The following METAP2 variants were observed in gnomAD, a reference collection of about 807,000 sequenced individuals.
The protein encoded by METAP2 is methionyl aminopeptidase 2.
In METAP2, 25 loss-of-function variants were observed where a neutral mutation model predicts 59.4. That is an observed-to-expected ratio of 0.42 (90% CI 0.31 to 0.59). The LOEUF (loss-of-function observed/expected upper bound fraction) is 0.59, where lower values mean the gene tolerates loss of function less well. METAP2 is among the 20% of genes least tolerant of loss of function. The pLI, the probability that METAP2 is intolerant of heterozygous loss-of-function variation, is 0.16. For synonymous variants in METAP2, 214 were observed against 194.1 expected, an observed-to-expected ratio of 1.10 and a Z score of -0.85; for missense variants, 366 against 581.2, an observed-to-expected ratio of 0.63 and a Z score of 3.81.
In METAP2 at chr12:95,494,076, C is replaced by T. The variant is rs142508741; in HGVS notation, c.449C>T (p.Thr150Ile). ...TQDGRTAAWR[T>I]TSEEKKALDQ... ...TAAAGGCGAACAGCTGCTTGGAGAA[C>T]TACAAGTGAAGAAAAGAAAGCATTA... Residue 150 changes from threonine (T) to isoleucine (I), a missense_variant, in exon 5 of 11, where the codon ACT (threonine) becomes ATT (isoleucine). Thr to Ile is a moderately conservative substitution (Grantham distance 89). Coordinates refer to ENST00000323666, the MANE Select transcript of METAP2 (RefSeq NM_006838.4). 1.4e-4 allele frequency: 222 copies of T among 1,613,702 alleles called. No homozygotes were observed. Among genetic ancestry groups the T allele is most frequent in the Admixed American group, 5.2e-4 (31 of 59,984 alleles).
intron 2 of METAP2, among the ~76,000 whole-genome samples, chr12:95,479,078 TAAC>T (rs1406910397): frequency 6.6e-6 from 1 of 152,056 alleles, no homozygotes; most frequent in Non-Finnish European, 1.5e-5. Context: ...CCCTGTCTCT[TAAC>T]AAAAAAGGAA....
At chr12:95,475,931 G>A (rs1425711479) in intron 1 of METAP2, 140 bp from the exon 2 acceptor site, 1 of 556,788 alleles carries the variant, frequency 1.8e-6, no homozygotes, top group Non-Finnish European at 3.2e-6. Flanking sequence ...GTCATTAAAC[G>A]AATTCTGTTA....
intron 4 of METAP2, 26 bp downstream of exon 4, chr12:95,486,007 T>A: frequency 6.9e-7 from 1 of 1,451,692 alleles, no homozygotes; most frequent in Non-Finnish European, 9.5e-7. Flanking sequence ...TCACTTCCAG[T>A]TTAATTTCTG....
At chr12:95,482,363 T>G (rs370808740) in intron 2 of METAP2, among the ~76,000 whole-genome samples, 2 of 152,190 alleles carry the variant, frequency 1.3e-5, no homozygotes, top group African/African-American at 4.8e-5. Context: ...TCCACCTGCC[T>G]CAGCCTCCCA....
At chr12:95,482,202 C>G (rs557660849) in intron 2 of METAP2, 24 of 451,658 alleles carry the variant, frequency 5.3e-5, no homozygotes, top group South Asian at 3.8e-4. Context: ...CTTGACTTCC[C>G]TGGCTCAGGT....
intron 8 of METAP2, among the ~76,000 whole-genome samples, chr12:95,505,653 G>C (rs1260853485): frequency 6.6e-6 from 1 of 152,050 alleles, no homozygotes; most frequent in East Asian, 1.9e-4. Flanking sequence ...TGCCACCATA[G>C]TTGGCTGCTT....
intron 8 of METAP2, among the ~76,000 whole-genome samples, 184 bp from the exon 9 acceptor site, chr12:95,511,711 A>G (rs752203160): frequency 2.9e-4 from 44 of 152,224 alleles, no homozygotes; most frequent in Middle Eastern, 6.8e-3. Flanking sequence ...TATTAATAAC[A>G]CTGCAACTAC....
In METAP2 at chr12:95,513,796, A is replaced by G. The variant is rs374528186; in HGVS notation, c.1329A>G (p.Pro443=). Residue 443 remains proline, a synonymous_variant, in exon 11 of 11, where the codon CCA becomes CCG. Coordinates refer to ENST00000323666, the MANE Select transcript of METAP2 (RefSeq NM_006838.4). ...KNLCDLGIVD[P]YPPLCDIKGS... ...TGTGTGACTTGGGCATTGTAGATCC[A>G]TATCCACCATTATGTGACATTAAAG... 2.5e-6 allele frequency: 4 copies of G among 1,614,126 alleles called. No individual in the cohort carries two copies. The highest frequency in any genetic ancestry group is 3.4e-6 in the Non-Finnish European group (4 of 1,180,044).
At chr12:95,500,373 C>T (rs566321102) in intron 7 of METAP2, among the ~76,000 whole-genome samples, 4 of 152,202 alleles carry the variant, frequency 2.6e-5, no homozygotes, top group South Asian at 2.1e-4. Flanking sequence ...ACTTCCATCC[C>T]AATTTAGATG....
intron 4 of METAP2, among the ~76,000 whole-genome samples, chr12:95,489,211 T>C (rs987555018): frequency 6.6e-6 from 1 of 152,198 alleles, no homozygotes; most frequent in African/African-American, 2.4e-5. Context: ...CTTTTAACAA[T>C]GTGAATGTTA....
intron 7 of METAP2, among the ~76,000 whole-genome samples, chr12:95,500,892 C>T (rs1354573330): frequency 6.6e-5 from 10 of 151,744 alleles, no homozygotes; most frequent in Non-Finnish European, 8.8e-5. Context: ...CATGTAATGA[C>T]TTAGAAAGTA....
intron 8 of METAP2, among the ~76,000 whole-genome samples, chr12:95,506,073 G>C (rs1465661063): frequency 6.6e-6 from 1 of 151,538 alleles, no homozygotes; most frequent in African/African-American, 2.4e-5. Context: ...CTCCAGCCTG[G>C]GCGACAGAGT....
At chr12:95,496,209 A>G (rs1400094065) in intron 7 of METAP2, 111 bp downstream of exon 7, 2 of 598,938 alleles carry the variant, frequency 3.3e-6, no homozygotes. Context: ...GGCTTTGGGT[A>G]ATTAAGAGGA....
chr12:95,480,407 A>G (rs984724073), intron 2 of METAP2, among the ~76,000 whole-genome samples: 4 of 152,172 alleles, frequency 2.6e-5, no homozygotes, highest in African/African-American at 9.7e-5. Flanking sequence ...GTTGCCTGTC[A>G]TATGGTAAGT....
chr12:95,505,958 G>T (rs977217493), intron 8 of METAP2, among the ~76,000 whole-genome samples: 5 of 151,738 alleles, frequency 3.3e-5, no homozygotes, highest in African/African-American at 9.7e-5. Flanking sequence ...ATAGCCAGGC[G>T]TGATGGCACA....
At chr12:95,508,380 A>T (rs1322995880) in intron 8 of METAP2, among the ~76,000 whole-genome samples, 3 of 152,204 alleles carry the variant, frequency 2.0e-5, no homozygotes, top group African/African-American at 7.2e-5. Flanking sequence ...CAGAAGCAAG[A>T]TTCTTAACCC....
In METAP2 at chr12:95,483,203, G is replaced by A. The variant is rs753872728; in HGVS notation, c.260-12G>A. ...GTTTAAATGAACATGTACTTGAAAT[G>A]TCTTTTCTTAGATGGAGATGGCGAT... On this transcript the variant is annotated splice_polypyrimidine_tract_variant and intron_variant, in intron 2 of 10. Transcript: ENST00000323666. The A allele has an allele frequency of 6.2e-7, 1 of 1,606,384 alleles. No individual in the cohort carries two copies. Among genetic ancestry groups the A allele is most frequent in the East Asian group, 2.2e-5 (1 of 44,830 alleles).
intron 6 of METAP2, among the ~76,000 whole-genome samples, 188 bp from the exon 7 acceptor site, chr12:95,495,816 A>G (rs545874730): frequency 1.8e-4 from 27 of 152,140 alleles, no homozygotes; most frequent in Admixed American, 4.6e-4. Context: ...TCTATTCTGA[A>G]TCCTTTATAT....
At chr12:95,497,291 T>C (rs544875725) in intron 7 of METAP2, among the ~76,000 whole-genome samples, 45 of 152,364 alleles carry the variant, frequency 3.0e-4, no homozygotes, top group African/African-American at 1.1e-3. Flanking sequence ...ACCACCATTC[T>C]ACTATATATG....
Sources: allele counts gnomAD v4.1 joint callset (sites outside exome capture counted in the v4.1 genomes callset), GRCh38; gene constraint gnomAD v4.1.1; transcripts MANE v1.5; gene names NCBI Gene and HGNC (gene_info 2026-07-23, HGNC 2026-07-21).